CSMD1: variants seen among roughly 807,000 people sequenced by gnomAD.
The protein encoded by CSMD1 is CUB and Sushi multiple domains 1, also known as CUB and sushi domain-containing protein 1.
In CSMD1, 213 loss-of-function variants were observed where a neutral mutation model predicts 417.5. The ratio of observed to expected loss-of-function variants is 0.51; its 90% CI spans 0.46 to 0.57. The LOEUF (loss-of-function observed/expected upper bound fraction) is 0.57. CSMD1 is among the 20% of genes least tolerant of loss of function. The probability of loss-of-function intolerance (pLI) is 0.00; values close to 1 mark genes in which losing one functional copy is unlikely to be tolerated. For missense variants in CSMD1, 6,923 were observed against 4,529.7 expected (o/e 1.53, Z -15.17); for synonymous variants, 2,862 against 1,736.8 (o/e 1.65, Z -16.11).
intron 37 of CSMD1, among the ~76,000 whole-genome samples, chr8:3,180,707 C>G (rs1414043515): frequency 6.6e-6 from 1 of 152,128 alleles, no homozygotes; most frequent in Non-Finnish European, 1.5e-5. Context: ...GCAATCTTGG[C>G]TCATGGCAAC....
At chr8:3,211,377 T>C (rs75216735) in intron 30 of CSMD1, among the ~76,000 whole-genome samples, 1 of 152,306 alleles carries the variant, frequency 6.6e-6, no homozygotes, top group East Asian at 1.9e-4. Context: ...TCTGTGTTCA[T>C]GTAGTAATTG....
intron 1 of CSMD1, among the ~76,000 whole-genome samples, chr8:4,679,050 A>C (rs866659476): frequency 6.6e-6 from 1 of 152,194 alleles, no homozygotes; most frequent in Non-Finnish European, 1.5e-5. Flanking sequence ...CCCAGATCAC[A>C]GTGAGGTTCG....
At chr8:4,649,979 T>A (rs372200805) in intron 1 of CSMD1, among the ~76,000 whole-genome samples, 20 of 152,314 alleles carry the variant, frequency 1.3e-4, no homozygotes, top group African/African-American at 4.6e-4. Context: ...CACAGCTGCC[T>A]TGAACATAAG....
At chr8:4,336,668 G>A (rs1367734422) in intron 3 of CSMD1, among the ~76,000 whole-genome samples, 1 of 152,140 alleles carries the variant, frequency 6.6e-6, no homozygotes, top group African/African-American at 2.4e-5. Flanking sequence ...TTTCACATCT[G>A]TGACATAGTC....
intron 3 of CSMD1, among the ~76,000 whole-genome samples, chr8:4,334,993 C>A (rs1001441409): frequency 6.6e-6 from 1 of 152,108 alleles, no homozygotes; most frequent in Non-Finnish European, 1.5e-5. Flanking sequence ...TGTCTTTAAG[C>A]TCCGTTGCCT....
At chr8:3,547,467 T>C (rs549238281) in intron 10 of CSMD1, among the ~76,000 whole-genome samples, 1 of 152,318 alleles carries the variant, frequency 6.6e-6, no homozygotes, top group Non-Finnish European at 1.5e-5. Flanking sequence ...GGTCAATGAT[T>C]GTCCGTAATG....
chr8:4,556,285 C>A (rs1011698657), intron 2 of CSMD1, among the ~76,000 whole-genome samples: 10 of 152,148 alleles, frequency 6.6e-5, no homozygotes, highest in African/African-American at 2.4e-4. Flanking sequence ...TTAATCTTGA[C>A]CATTTTCATA....
At chr8:3,857,478 C>T (rs1223222267) in intron 5 of CSMD1, among the ~76,000 whole-genome samples, 1 of 152,134 alleles carries the variant, frequency 6.6e-6, no homozygotes, top group African/African-American at 2.4e-5. Flanking sequence ...AATATCCCAC[C>T]TATATATATG....
At chr8:4,903,383 T>C (rs1416811129) in intron 1 of CSMD1, among the ~76,000 whole-genome samples, 3 of 152,192 alleles carry the variant, frequency 2.0e-5, no homozygotes, top group Admixed American at 6.5e-5. Flanking sequence ...TTCAGGAAGC[T>C]TCATGTCTTT....
intron 5 of CSMD1, among the ~76,000 whole-genome samples, chr8:3,907,721 G>C (rs1334708218): frequency 1.3e-5 from 2 of 152,192 alleles, no homozygotes; most frequent in Non-Finnish European, 2.9e-5. Context: ...GCCCTGAGAA[G>C]TGTTATGTGA....
At chr8:4,068,881 G>A (rs866285689) in intron 3 of CSMD1, among the ~76,000 whole-genome samples, 2 of 152,160 alleles carry the variant, frequency 1.3e-5, no homozygotes, top group African/African-American at 2.4e-5. Context: ...ACTGCATTAT[G>A]TATGTAAAAA....
At chr8:3,999,417 C>T (rs893144347) in intron 4 of CSMD1, among the ~76,000 whole-genome samples, 1 of 152,282 alleles carries the variant, frequency 6.6e-6, no homozygotes, top group East Asian at 1.9e-4. Context: ...TCCCAAGTTG[C>T]AAGTTCCAAT....
At chr8:3,436,972 C>A (rs1368128225) in intron 12 of CSMD1, among the ~76,000 whole-genome samples, 1 of 152,060 alleles carries the variant, frequency 6.6e-6, no homozygotes, top group African/African-American at 2.4e-5. Flanking sequence ...AAAAAGCATG[C>A]AAGAAGCAGA....
chr8:3,412,598 C>G (rs1231093130), intron 12 of CSMD1, among the ~76,000 whole-genome samples: 1 of 152,142 alleles, frequency 6.6e-6, no homozygotes, highest in Non-Finnish European at 1.5e-5. Context: ...AGCACACACA[C>G]AAAATGCAGA....
chr8:4,029,447 C>G (rs1290686657), intron 4 of CSMD1, among the ~76,000 whole-genome samples: 1 of 152,118 alleles, frequency 6.6e-6, no homozygotes, highest in Non-Finnish European at 1.5e-5. Context: ...TAGCAGCAGG[C>G]AAAGTCAGCC....
chr8:4,767,939 G>A (rs1039559391), intron 1 of CSMD1, among the ~76,000 whole-genome samples: 11 of 152,108 alleles, frequency 7.2e-5, no homozygotes, highest in African/African-American at 2.4e-4. Context: ...AGTAAATTTT[G>A]CATCCTTCGT....
At position 3,574,156 on chromosome 8, in the gene CSMD1, C is replaced by T. The variant is rs927947917; in HGVS notation, c.1344+789G>A. Reference sequence around the variant, plus strand: ...AAAGTATTTAAGAAAGAGGAAAACACGCTCAGATGTTTAATTCTTGAAAAA... The same window carrying T: ...AAAGTATTTAAGAAAGAGGAAAACATGCTCAGATGTTTAATTCTTGAAAAA... On this transcript the variant is annotated intron_variant, in intron 10 of 69. Coordinates refer to ENST00000635120, the MANE Select transcript of CSMD1 (RefSeq NM_033225.6). Among the ~76,000 whole-genome samples the T allele has an allele frequency of 7.9e-5, 12 of 152,302 alleles. No individual in the cohort carries two copies. In the South Asian group the frequency reaches 2.1e-3, roughly 26 times the overall value.
chr8:4,770,029 G>C (rs867296460), intron 1 of CSMD1, among the ~76,000 whole-genome samples: 2 of 151,704 alleles, frequency 1.3e-5, no homozygotes, highest in African/African-American at 4.8e-5. Flanking sequence ...CTGTTACTCC[G>C]GTTCCTTTCT....
intron 10 of CSMD1, among the ~76,000 whole-genome samples, chr8:3,501,461 A>G (rs1351788958): frequency 1.3e-5 from 2 of 152,240 alleles, no homozygotes; most frequent in Non-Finnish European, 2.9e-5. Context: ...ATAATTTTCC[A>G]AGATTTAGAA....
Sources: gnomAD v4.1 joint callset for allele counts (sites outside exome capture counted in the v4.1 genomes callset) on GRCh38, gnomAD v4.1.1 for gene constraint, MANE v1.5 for transcripts, NCBI Gene and HGNC (gene_info 2026-07-23, HGNC 2026-07-21) for gene names.